RNF111: variants seen among roughly 807,000 people sequenced by gnomAD.
The protein encoded by RNF111 is E3 ubiquitin-protein ligase Arkadia.
RNF111 carries 17 observed loss-of-function variants against 95.1 expected under a neutral mutation model. That is an observed-to-expected ratio of 0.18 (90% CI 0.12 to 0.27). RNF111 has a LOEUF of 0.27. RNF111 is among the 10% of genes least tolerant of loss of function. RNF111 has a pLI of 1.00. For synonymous variants in RNF111, 440 were observed against 414.8 expected (o/e 1.06, Z -0.74); for missense variants, 1,189 against 1,210.4 (o/e 0.98, Z 0.26).
chr15:59,093,453 CACCT>C (rs1295383422), intron 13 of RNF111: 1 of 440,354 alleles, frequency 2.3e-6, no homozygotes, highest in Non-Finnish European at 4.5e-6. Context: ...TGAAGCGATC[CACCT>C]ACCTCAGCCT....
chr15:58,993,022 T>C (rs2038888187), intron 1 of RNF111, among the ~76,000 whole-genome samples: 1 of 149,088 alleles, frequency 6.7e-6, no homozygotes, highest in Admixed American at 6.7e-5. Context: ...ATACAAAAAG[T>C]AGCCGGGCAT....
chr15:59,082,667 G>A (rs994298547), intron 8 of RNF111, among the ~76,000 whole-genome samples: 15 of 152,252 alleles, frequency 9.9e-5, no homozygotes, highest in African/African-American at 3.6e-4. Context: ...CATTACAAAG[G>A]CTAAGCTGAG....
chr15:59,092,523 A>G lies in RNF111; in HGVS notation c.2740-14A>G. The G allele has an allele frequency of 6.2e-7, 1 of 1,610,148 alleles. No individual in the cohort carries two copies. Among genetic ancestry groups the G allele is most frequent in the Non-Finnish European group, 8.5e-7 (1 of 1,177,880 alleles). On this transcript the variant is annotated splice_polypyrimidine_tract_variant and intron_variant, in intron 12 of 13. Transcript: ENST00000348370. ...ATCTCTACTAATAAGGTAACAACTG[A>G]TTGGTTCTCACAGAGGAAACTGCAC...
chr15:59,076,472 A>C (rs1048671059), intron 7 of RNF111, among the ~76,000 whole-genome samples: 1 of 152,176 alleles, frequency 6.6e-6, no homozygotes, highest in Admixed American at 6.6e-5. Flanking sequence ...CAGTAAAGTA[A>C]ATTTTTAAGA....
chr15:59,070,029 C>CCTTTT (rs2042842652), intron 6 of RNF111, among the ~76,000 whole-genome samples: 1 of 22,678 alleles, frequency 4.4e-5, no homozygotes, highest in African/African-American at 2.3e-4. Context: ...CCACCTCCTG[C>CCTTTT]TTTTTTTTTT....
intron 1 of RNF111, among the ~76,000 whole-genome samples, chr15:58,995,240 G>A (rs2039007774): frequency 6.6e-6 from 1 of 152,128 alleles, no homozygotes; most frequent in Non-Finnish European, 1.5e-5. Flanking sequence ...TCTAATGGTT[G>A]GAAAGTGTTT....
intron 2 of RNF111, among the ~76,000 whole-genome samples, chr15:59,051,320 T>C (rs1166609668): frequency 6.6e-6 from 1 of 151,800 alleles, no homozygotes; most frequent in Non-Finnish European, 1.5e-5. Context: ...TAGCTGGGCC[T>C]GGTGGCAGGT....
chr15:59,042,542 C>G (rs1427301958), intron 2 of RNF111, among the ~76,000 whole-genome samples: 1 of 152,116 alleles, frequency 6.6e-6, no homozygotes, highest in Non-Finnish European at 1.5e-5. Context: ...AGCCCATTTC[C>G]CCCCAGTCCT....
At chr15:59,074,326 C>G (rs1243409224) in intron 6 of RNF111, among the ~76,000 whole-genome samples, 4 of 152,212 alleles carry the variant, frequency 2.6e-5, no homozygotes, top group Admixed American at 6.5e-5. Flanking sequence ...TATGAAAGTC[C>G]TGGATGACAT....
In RNF111 at chr15:58,993,027, G is replaced by A. The variant is rs138023730; in HGVS notation, c.-20+4959G>A. On this transcript the variant is annotated intron_variant, in intron 1 of 13. Transcript: ENST00000348370. ...CTACTAAAAAATACAAAAAGTAGCCGGGCATGGTGGCGGGTGCTTGTAATC... is the reference window on the plus strand; with the variant it reads ...CTACTAAAAAATACAAAAAGTAGCCAGGCATGGTGGCGGGTGCTTGTAATC... Among the ~76,000 whole-genome samples the A allele has an allele frequency of 3.1e-4, 47 of 150,618 alleles. 1 individual carries two copies. In the East Asian group the frequency reaches 9.2e-3, roughly 29 times the overall value.
intron 5 of RNF111, among the ~76,000 whole-genome samples, chr15:59,059,716 T>C (rs1178027296): frequency 1.3e-5 from 2 of 152,202 alleles, no homozygotes; most frequent in African/African-American, 2.4e-5. Flanking sequence ...TTAGCAGTGA[T>C]ATCTCTGGCT....
intron 5 of RNF111, among the ~76,000 whole-genome samples, chr15:59,063,821 A>G (rs1350666722): frequency 6.6e-6 from 1 of 152,210 alleles, no homozygotes; most frequent in Non-Finnish European, 1.5e-5. Context: ...TAATCCTCAA[A>G]TAACTTGGTT....
At chr15:59,047,335 A>T (rs924811272) in intron 2 of RNF111, among the ~76,000 whole-genome samples, 2 of 152,058 alleles carry the variant, frequency 1.3e-5, no homozygotes, top group African/African-American at 4.8e-5. Flanking sequence ...TTTGTATGAA[A>T]AATTTAAAAA....
At chr15:59,092,209 A>G (rs1262273694) in intron 12 of RNF111, among the ~76,000 whole-genome samples, 1 of 152,134 alleles carries the variant, frequency 6.6e-6, no homozygotes, top group East Asian at 1.9e-4. Context: ...CTAATAAAAA[A>G]AACTTATTTA....
chr15:59,084,436 A>G, intron 9 of RNF111, 182 bp downstream of exon 9: 1 of 453,366 alleles, frequency 2.2e-6, no homozygotes, highest in South Asian at 7.7e-5. Context: ...GAGCTGGGGC[A>G]GGGAACCATA....
chr15:59,067,776 T>C (rs531045288), intron 6 of RNF111, among the ~76,000 whole-genome samples: 52 of 152,306 alleles, frequency 3.4e-4, no homozygotes, highest in African/African-American at 1.2e-3. Flanking sequence ...CATGAAAAAT[T>C]GGAAAATTCT....
rs1449255843 is a variant in RNF111 at position 59,066,665 on chromosome 15, A to G, written c.1367-99A>G. Reference sequence around the variant, plus strand: ...ATTTACAGAGATTTGAAATTACCGAACATTTCTTTAAACATTTATTATTTA... The same window carrying G: ...ATTTACAGAGATTTGAAATTACCGAGCATTTCTTTAAACATTTATTATTTA... On this transcript the variant is annotated intron_variant, in intron 5 of 13. Transcript: ENST00000348370. The G allele has an allele frequency of 3.0e-5, 29 of 963,032 alleles. No homozygotes were observed. In the African/African-American group the frequency reaches 3.6e-4, roughly 12 times the overall value. 59.7% of individuals were successfully genotyped at this position (963,032 alleles called of 1,614,324 possible).
At position 59,091,080 on chromosome 15, in the gene RNF111, A is replaced by G; in HGVS notation, c.2665A>G (p.Arg889Gly). 1 of 1,609,006 alleles carries G rather than the reference A, an allele frequency of 6.2e-7. No homozygotes were observed. Among genetic ancestry groups the G allele is most frequent in the Non-Finnish European group, 8.5e-7 (1 of 1,176,224 alleles). ...NFEELIHLEE[R>G]LGNVNRGASQ... ...TCAGGAACTGATTCATTTGGAAGAAAGATTAGGCAATGTCAATCGTGGAGC... is the reference window on the plus strand; with the variant it reads ...TCAGGAACTGATTCATTTGGAAGAAGGATTAGGCAATGTCAATCGTGGAGC... The change falls in exon 12 of 14, where the codon AGA becomes GGA. Residue 889 changes from arginine to glycine, a missense_variant. Physicochemically the swap from Arg to Gly is moderately radical, Grantham distance 125 (BLOSUM62 -2). Coordinates refer to ENST00000348370, the MANE Select transcript of RNF111 (RefSeq NM_017610.8).
intron 1 of RNF111, 38 bp downstream of exon 1, chr15:58,988,106 C>G (rs2038646980): frequency 7.3e-6 from 1 of 136,232 alleles, no homozygotes; most frequent in African/African-American, 2.8e-5. Context: ...CATTGGAGGC[C>G]GCGCGTGCGC....
Sources: allele counts gnomAD v4.1 joint callset (sites outside exome capture counted in the v4.1 genomes callset), GRCh38; gene constraint gnomAD v4.1.1; transcripts MANE v1.5; gene names NCBI Gene and HGNC (gene_info 2026-07-23, HGNC 2026-07-21).